GRAMD1B: variants seen among roughly 807,000 people sequenced by gnomAD.
GRAMD1B encodes the protein GRAM domain containing 1B, also known as protein Aster-B.
Under a neutral mutation model 99.7 loss-of-function variants are expected in GRAMD1B, and 37 were observed. That is an observed-to-expected ratio of 0.37 (90% CI 0.29 to 0.49). GRAMD1B has a LOEUF of 0.49. GRAMD1B is among the 20% of genes least tolerant of loss of function. GRAMD1B has a pLI of 0.98. For missense variants in GRAMD1B, 888 were observed against 1,009.2 expected (o/e 0.88, Z 1.63); for synonymous variants, 427 against 387.6 (o/e 1.10, Z -1.19).
chr11:123,403,620 T>A lies in GRAMD1B; in HGVS notation c.-176+44821T>A, dbSNP rs559284639. Among the ~76,000 whole-genome samples, 31 of 151,882 alleles carry A rather than the reference T, an allele frequency of 2.0e-4. No individual in the cohort carries two copies. In the East Asian group the frequency reaches 6.0e-3, roughly 30 times the overall value. Reference sequence around the variant, plus strand: ...TGCAGTGGCAGCAATCTCGGCTCACTACAACCTCTGCCTCCCGGGTTCAAG... The same window carrying A: ...TGCAGTGGCAGCAATCTCGGCTCACAACAACCTCTGCCTCCCGGGTTCAAG... On this transcript the variant is annotated intron_variant, in intron 1 of 20. Coordinates refer to the GRAMD1B transcript ENST00000638157.
At chr11:123,435,498 T>C in intron 1 of GRAMD1B, 2 of 700,984 alleles carry the variant, frequency 2.9e-6, no homozygotes, top group South Asian at 3.0e-5. Flanking sequence ...GACCCTTTTC[T>C]TCTCCTTAAA....
exon 1 of GRAMD1B, chr11:123,358,548 T>TGCAGCGCGCCCGGGC (rs886966913): frequency 7.9e-5 from 12 of 151,944 alleles, no homozygotes; most frequent in African/African-American, 2.7e-4. Context: ...GCTCCGAGGG[T>TGCAGCGCGCCCGGGC]GCAGCGCGCC....
rs779709381 is a variant in GRAMD1B, at chr11:123,513,578, TTTCC to T, written c.452+32724_452+32727del. ...TTTCCTTCCTTCCTTCCTTCCTTCC[TTTCC>T]TTCCTTCCTTCCTTCCTTCCTTCCT... On this transcript the variant is annotated intron_variant, in intron 2 of 19. Coordinates refer to ENST00000635736, the MANE Select transcript of GRAMD1B (RefSeq NM_001387025.1). Among the ~76,000 whole-genome samples the T allele has an allele frequency of 1.2e-3, 52 of 41,676 alleles. 1 individual carries two copies. The highest frequency in any genetic ancestry group is 0.011 in the Middle Eastern group (1 of 90). The allele number at this position is 41,676 out of a possible 152,430, so 27.3% of individuals were successfully genotyped here.
Position 123,613,534 on chromosome 11 carries a change from T to C in GRAMD1B, c.2103T>C (p.Thr701=). 6.2e-7 allele frequency: 1 copy of C among 1,613,686 alleles called. No individual in the cohort carries two copies. Among genetic ancestry groups the C allele is most frequent in the South Asian group, 1.1e-5 (1 of 90,982 alleles). Residue 701 remains threonine (T), a synonymous_variant, in exon 16 of 20, where the codon ACT becomes ACC. Coordinates refer to ENST00000635736, the MANE Select transcript of GRAMD1B (RefSeq NM_001387025.1). ...RQSPKEKASK[T]TTVRRRKRPH... ...CTCCCAAAGAGAAGGCCAGCAAGACTACAACGGTGCGGAGGAGGAAGCGTC... is the reference window on the plus strand; with the variant it reads ...CTCCCAAAGAGAAGGCCAGCAAGACCACAACGGTGCGGAGGAGGAAGCGTC...
chr11:123,457,707 C>A (rs1343942956), intron 1 of GRAMD1B, among the ~76,000 whole-genome samples: 3 of 152,174 alleles, frequency 2.0e-5, no homozygotes, highest in African/African-American at 7.2e-5. Flanking sequence ...CTATTTTCCA[C>A]ATATTTTATT....
chr11:123,616,883 A>G (rs1001546), intron 17 of GRAMD1B, among the ~76,000 whole-genome samples: 50,905 of 152,158 alleles, frequency 0.33, 9,866 homozygotes, highest in South Asian at 0.5. Flanking sequence ...GGGTGTTCAG[A>G]TGACCCAGTG....
chr11:123,367,366 C>T (rs1461285388), intron 1 of GRAMD1B, among the ~76,000 whole-genome samples: 1 of 152,188 alleles, frequency 6.6e-6, no homozygotes, highest in African/African-American at 2.4e-5. Flanking sequence ...AACAAAGTGT[C>T]ATAGGAACGC....
chr11:123,422,132 G>A (rs551540194), intron 1 of GRAMD1B, among the ~76,000 whole-genome samples: 1 of 152,178 alleles, frequency 6.6e-6, no homozygotes, highest in Non-Finnish European at 1.5e-5. Context: ...TGAGCATAGT[G>A]GTCCTGAGTC....
intron 1 of GRAMD1B, among the ~76,000 whole-genome samples, chr11:123,470,059 T>TA (rs1204469532): frequency 1.3e-5 from 2 of 152,106 alleles, no homozygotes; most frequent in African/African-American, 2.4e-5. Context: ...ATGACATAGA[T>TA]AAGGACACCC....
At chr11:123,583,046 A>T (rs1363746580) in intron 3 of GRAMD1B, among the ~76,000 whole-genome samples, 1 of 148,970 alleles carries the variant, frequency 6.7e-6, no homozygotes, top group Non-Finnish European at 1.5e-5. Flanking sequence ...ATGTGTGTAT[A>T]TATGTGTGTC....
intron 2 of GRAMD1B, among the ~76,000 whole-genome samples, chr11:123,487,756 G>A (rs1938026835): frequency 6.6e-6 from 1 of 152,100 alleles, no homozygotes; most frequent in South Asian, 2.1e-4. Flanking sequence ...CTGGGCGCCC[G>A]CCATCATGCC....
chr11:123,557,200 A>ATAG (rs934468238), intron 2 of GRAMD1B, among the ~76,000 whole-genome samples: 1 of 152,218 alleles, frequency 6.6e-6, no homozygotes, highest in Admixed American at 6.5e-5. Flanking sequence ...CTGCACATAA[A>ATAG]TAGTACTCTT....
At chr11:123,366,259 T>C (rs1946316666) in intron 1 of GRAMD1B, among the ~76,000 whole-genome samples, 1 of 152,254 alleles carries the variant, frequency 6.6e-6, no homozygotes, top group Admixed American at 6.5e-5. Context: ...AGCTGAATGA[T>C]ATATTTTGGC....
At chr11:123,586,856 C>T (rs1232318902) in intron 4 of GRAMD1B, among the ~76,000 whole-genome samples, 1 of 152,220 alleles carries the variant, frequency 6.6e-6, no homozygotes, top group African/African-American at 2.4e-5. Context: ...TCTCCGGATC[C>T]CAGGGTCAGT....
intron 2 of GRAMD1B, among the ~76,000 whole-genome samples, chr11:123,514,413 C>T (rs975059629): frequency 3.3e-5 from 5 of 152,148 alleles, no homozygotes; most frequent in African/African-American, 7.2e-5. Flanking sequence ...TCAGTTTCCT[C>T]GTTTGTCCAT....
At chr11:123,546,895 TC>T (rs1945085656) in intron 2 of GRAMD1B, among the ~76,000 whole-genome samples, 1 of 152,074 alleles carries the variant, frequency 6.6e-6, no homozygotes, top group African/African-American at 2.4e-5. Flanking sequence ...CCATTTCTGT[TC>T]TTGGTGGGGG....
At chr11:123,602,323 G>A (rs1148091) in intron 8 of GRAMD1B, among the ~76,000 whole-genome samples, 56,514 of 149,318 alleles carry the variant, frequency 0.38, 11,766 homozygotes, top group South Asian at 0.58. Flanking sequence ...TATTATTATT[G>A]TTATTTTTAC....
intron 2 of GRAMD1B, chr11:123,526,038 T>C: frequency 1.1e-6 from 1 of 892,728 alleles, no homozygotes; most frequent in Non-Finnish European, 1.9e-6. Context: ...TCACATTACA[T>C]GGGATTCTGT....
chr11:123,619,342 A>T, intron 19 of GRAMD1B, 118 bp downstream of exon 19: 1 of 1,525,708 alleles, frequency 6.6e-7, no homozygotes, highest in South Asian at 1.2e-5. Context: ...CCTCCAATTC[A>T]TTCTTCCTCC....
Sources: gnomAD v4.1 joint callset for allele counts (sites outside exome capture counted in the v4.1 genomes callset) on GRCh38, gnomAD v4.1.1 for gene constraint, MANE v1.5 for transcripts, NCBI Gene and HGNC (gene_info 2026-07-23, HGNC 2026-07-21) for gene names.